The following ZNF773 variants were observed in gnomAD, a reference collection of about 807,000 sequenced individuals.
The protein encoded by ZNF773 is zinc finger protein 419B.
ZNF773 carries 11 observed loss-of-function variants against 12.8 expected under a neutral mutation model. That is an observed-to-expected ratio of 0.86 (90% confidence interval 0.54 to 1.42). The LOEUF is 1.42. Among genes scored for constraint, ZNF773 ranks in the 40% most tolerant of loss-of-function variants. The pLI, the probability that ZNF773 is intolerant of heterozygous loss-of-function variation, is 0.00. For synonymous variants in ZNF773, 175 were observed against 178.4 expected (o/e 0.98, Z 0.15); for missense variants, 518 against 527.2 (o/e 0.98, Z 0.17).
intron 1 of ZNF773, 43 bp from the exon 2 acceptor site, chr19:57,504,614 C>T (rs1471119977): frequency 8.7e-6 from 14 of 1,609,488 alleles, no homozygotes; most frequent in Non-Finnish European, 1.2e-5. Context: ...CCTAAATTCC[C>T]CAGTAAGGAG....
Position 57,499,992 on chromosome 19 carries a change from C to A in ZNF773, c.-89C>A. Reference sequence around the variant, plus strand: ...GCGGTGGGGACGCGCTGTGTTCTCGCAGCTCAGAGGCGGGTCTGAGGCTCG... The same window carrying A: ...GCGGTGGGGACGCGCTGTGTTCTCGAAGCTCAGAGGCGGGTCTGAGGCTCG... On this transcript the variant is annotated 5_prime_UTR_variant, in exon 1 of 4. Coordinates refer to ENST00000282292, the MANE Select transcript of ZNF773 (RefSeq NM_198542.3). The A allele has an allele frequency of 1.3e-6, 2 of 1,484,272 alleles. No individual in the cohort carries two copies. Among genetic ancestry groups the A allele is most frequent in the Non-Finnish European group, 9.0e-7 (1 of 1,107,996 alleles). The allele number at this position is 1,484,272 out of a possible 1,614,324, so 91.9% of individuals were successfully genotyped here.
downstream of ZNF773, among the ~76,000 whole-genome samples, chr19:57,512,475 C>T (rs941803976): frequency 7.0e-6 from 1 of 141,856 alleles, no homozygotes; most frequent in South Asian, 2.3e-4. Context: ...ATGATCTTGG[C>T]TCACCGCAAC....
downstream of ZNF773, among the ~76,000 whole-genome samples, chr19:57,510,211 A>G (rs1281754134): frequency 1.3e-5 from 2 of 152,226 alleles, no homozygotes; most frequent in Non-Finnish European, 2.9e-5. Context: ...ATAAATCATA[A>G]CCTAGTGAGG....
rs1337907508 is a variant in ZNF773, at chr19:57,500,066, C to A, written c.-15C>A. ...GGCCCTTTCCTCGGTCGTTGTCTCA[C>A]CGCCACAGGCTCCGATGGCGGCGGC... On this transcript the variant is annotated 5_prime_UTR_variant, in exon 1 of 4. Transcript: ENST00000282292. 1.9e-6 allele frequency: 3 copies of A among 1,595,362 alleles called. No individual in the cohort carries two copies. The highest frequency in any genetic ancestry group is 1.7e-5 in the Admixed American group (1 of 58,390).
chr19:57,504,797 C>T lies in ZNF773; in HGVS notation c.163+11C>T, dbSNP rs1249087501. On this transcript the variant is annotated intron_variant, in intron 2 of 3. Transcript: ENST00000282292. ...TTCTGGCCTCTCTGGGTAAGGTTCT[C>T]ACACCCCACCCCAGCATCCTGAGCT... 1.2e-6 allele frequency: 2 copies of T among 1,611,622 alleles called. No individual in the cohort carries two copies. The highest frequency in any genetic ancestry group is 8.5e-7 in the Non-Finnish European group (1 of 1,178,744).
Position 57,507,604 on chromosome 19 carries a change from C to T in ZNF773, c.*180C>T, listed in dbSNP as rs2089756160. Reference sequence around the variant, plus strand: ...TATGGTAAAAGGCCTCAGCCAAAGGCCTAACCGTATTCAACACCAGAAAGT... The same window carrying T: ...TATGGTAAAAGGCCTCAGCCAAAGGTCTAACCGTATTCAACACCAGAAAGT... On this transcript the variant is annotated 3_prime_UTR_variant, in exon 4 of 4. Coordinates refer to ENST00000282292, the MANE Select transcript of ZNF773 (RefSeq NM_198542.3). 1 of 1,404,608 alleles carries T rather than the reference C, an allele frequency of 7.1e-7. No homozygotes were observed. Among genetic ancestry groups the T allele is most frequent in the Admixed American group, 3.2e-5 (1 of 31,558 alleles). The allele number at this position is 1,404,608 out of a possible 1,614,324, so 87.0% of individuals were successfully genotyped here.
At chr19:57,511,753 A>T (rs2089797871), downstream of ZNF773, among the ~76,000 whole-genome samples, 2 of 151,926 alleles carry the variant, frequency 1.3e-5, no homozygotes, top group African/African-American at 4.8e-5. Context: ...ACATACACAC[A>T]CTCAAAACTA....
At chr19:57,504,137 C>A (rs2089700129) in intron 1 of ZNF773, among the ~76,000 whole-genome samples, 1 of 152,190 alleles carries the variant, frequency 6.6e-6, no homozygotes, top group African/African-American at 2.4e-5. Context: ...AGGGTTGCCC[C>A]TGGTAGTCAG....
rs1238554950 is a variant in ZNF773 at position 57,508,156 on chromosome 19, A to C, written c.*732A>C. The C allele has an allele frequency of 2.7e-5, 10 of 375,068 alleles. No homozygotes were observed. In the South Asian group the frequency reaches 1.4e-3, roughly 52 times the overall value. 23.2% of individuals were successfully genotyped at this position (375,068 alleles called of 1,614,324 possible). On this transcript the variant is annotated 3_prime_UTR_variant, in exon 4 of 4. Transcript: ENST00000282292. ...ACTTCGTCTCAAAAAAAAAAAAAAA[A>C]AACAAAAAAAACCCAGAAACTCTGA... is the stretch of plus-strand genomic sequence containing the variant.
chr19:57,500,930 A>G (rs1004596204), intron 1 of ZNF773, among the ~76,000 whole-genome samples: 2 of 152,150 alleles, frequency 1.3e-5, no homozygotes, highest in African/African-American at 4.8e-5. Context: ...GGCAGCCTCT[A>G]CAGCCTGGAG....
chr19:57,510,568 A>G (rs769470456), downstream of ZNF773, among the ~76,000 whole-genome samples: 1 of 152,196 alleles, frequency 6.6e-6, no homozygotes, highest in Non-Finnish European at 1.5e-5. Context: ...CTTTATTTAC[A>G]TATAACATGA....
intron 1 of ZNF773, among the ~76,000 whole-genome samples, chr19:57,501,533 T>C (rs55944728): frequency 0.21 from 31,394 of 152,012 alleles, 3,361 homozygotes; most frequent in African/African-American, 0.25. Flanking sequence ...AATACCATTA[T>C]TGCCATGTTG....
At chr19:57,510,929 C>T (rs146432106), downstream of ZNF773, among the ~76,000 whole-genome samples, 891 of 151,948 alleles carry the variant, frequency 5.9e-3, 7 homozygotes, top group African/African-American at 0.02. Context: ...TAGGTTGAGA[C>T]GATCCCAATA....
At chr19:57,518,194 A>G (rs760458957) in exon 5 of ZNF773, 1 of 152,502 alleles carries the variant, frequency 6.6e-6, no homozygotes, top group Non-Finnish European at 1.5e-5. Flanking sequence ...TGCATCTGCC[A>G]CCAGAAGGAA....
At chr19:57,502,239 G>C (rs563114105) in intron 1 of ZNF773, among the ~76,000 whole-genome samples, 1 of 152,300 alleles carries the variant, frequency 6.6e-6, no homozygotes, top group South Asian at 2.1e-4. Context: ...ATCACGCCTG[G>C]CCCAGATTAT....
chr19:57,510,772 G>T (rs906544708), downstream of ZNF773, among the ~76,000 whole-genome samples: 1 of 152,086 alleles, frequency 6.6e-6, no homozygotes, highest in East Asian at 1.9e-4. Flanking sequence ...GAAATATTTA[G>T]AAATAAATTT....
In ZNF773 at chr19:57,504,186, C is replaced by A. The variant is rs188309972; in HGVS notation, c.34-471C>A. Reference sequence around the variant, plus strand: ...CTAGGAAGGGATGGAGTTCTGATTGCATTTGGTGAGTGCCCTCTGGATGCC... The same window carrying A: ...CTAGGAAGGGATGGAGTTCTGATTGAATTTGGTGAGTGCCCTCTGGATGCC... On this transcript the variant is annotated intron_variant, in intron 1 of 3. Transcript: ENST00000282292. Among the ~76,000 whole-genome samples, 64 of 152,308 alleles carry A rather than the reference C, an allele frequency of 4.2e-4. 1 individual carries two copies. The highest frequency in any genetic ancestry group is 1.4e-3 in the African/African-American group (58 of 41,566).
At chr19:57,504,523 T>G in intron 1 of ZNF773, 134 bp from the exon 2 acceptor site, 1 of 1,304,666 alleles carries the variant, frequency 7.7e-7, no homozygotes, top group Non-Finnish European at 1.1e-6. Context: ...AGAGTGGGCA[T>G]CAGTGGTTCT....
downstream of ZNF773, chr19:57,514,341 G>A (rs12460908): frequency 6.6e-6 from 1 of 152,000 alleles, no homozygotes; most frequent in South Asian, 2.1e-4. Context: ...ATTATCAGGG[G>A]ACATTAATTG....
Sources: gnomAD v4.1 joint callset for allele counts (sites outside exome capture counted in the v4.1 genomes callset) on GRCh38, gnomAD v4.1.1 for gene constraint, MANE v1.5 for transcripts, NCBI Gene and HGNC (gene_info 2026-07-23, HGNC 2026-07-21) for gene names.